ITPR1: variants seen among roughly 807,000 people sequenced by gnomAD.
ITPR1 encodes the protein inositol 1,4,5-trisphosphate-gated calcium channel ITPR1.
Under a neutral mutation model 318.4 loss-of-function variants are expected in ITPR1, and 96 were observed. The observed-to-expected ratio is 0.30, with a 90% CI of 0.26 to 0.36. The LOEUF (loss-of-function observed/expected upper bound fraction) is 0.36. Among genes scored for constraint, ITPR1 ranks in the 10% least tolerant of loss-of-function variants. The probability of loss-of-function intolerance (pLI) is 1.00; values close to 1 mark genes in which losing one functional copy is unlikely to be tolerated. For synonymous variants in ITPR1, 1,312 were observed against 1,289.9 expected, an observed-to-expected ratio of 1.02 and a Z score of -0.37; for missense variants, 2,440 against 3,460.2, an observed-to-expected ratio of 0.71 and a Z score of 7.40.
chr3:4,698,113 T>C (rs2094588257), intron 34 of ITPR1, among the ~76,000 whole-genome samples: 1 of 151,922 alleles, frequency 6.6e-6, no homozygotes, highest in African/African-American at 2.4e-5. Context: ...ATAACAAGCA[T>C]ACCACAGATT....
At chr3:4,577,945 A>G (rs973412275) in intron 4 of ITPR1, among the ~76,000 whole-genome samples, 1 of 152,230 alleles carries the variant, frequency 6.6e-6, no homozygotes, top group African/African-American at 2.4e-5. Flanking sequence ...ACATTACTGC[A>G]TAAGTTGGCA....
chr3:4,512,540 C>T (rs1305065057), intron 2 of ITPR1, among the ~76,000 whole-genome samples: 1 of 152,134 alleles, frequency 6.6e-6, no homozygotes. Flanking sequence ...GAAGTAAAAT[C>T]TGTCATCATG....
chr3:4,594,588 C>T (rs1003474292), intron 4 of ITPR1, among the ~76,000 whole-genome samples: 7 of 152,116 alleles, frequency 4.6e-5, no homozygotes, highest in East Asian at 1.9e-4. Context: ...AAGATGGCTA[C>T]GCTAGCTTCA....
intron 4 of ITPR1, among the ~76,000 whole-genome samples, chr3:4,572,442 T>C (rs1354925433): frequency 1.3e-5 from 2 of 152,100 alleles, no homozygotes; most frequent in African/African-American, 4.8e-5. Flanking sequence ...ATATATATTA[T>C]AAAAGAACGC....
At chr3:4,806,498 C>T (rs926419311) in intron 55 of ITPR1, among the ~76,000 whole-genome samples, 2 of 152,170 alleles carry the variant, frequency 1.3e-5, no homozygotes, top group Non-Finnish European at 1.5e-5. Context: ...TGGGCACTCC[C>T]GATCTGTTAC....
intron 44 of ITPR1, among the ~76,000 whole-genome samples, chr3:4,765,139 G>A (rs1203496590): frequency 6.6e-6 from 1 of 152,202 alleles, no homozygotes; most frequent in Admixed American, 6.5e-5. Flanking sequence ...TGGTTCCAGA[G>A]TGGGAGTCGT....
chr3:4,682,764 C>G (rs1035432350), intron 26 of ITPR1, among the ~76,000 whole-genome samples: 2 of 152,170 alleles, frequency 1.3e-5, no homozygotes, highest in African/African-American at 2.4e-5. Flanking sequence ...TTCTTATTAG[C>G]CAGCAACCAG....
intron 4 of ITPR1, among the ~76,000 whole-genome samples, chr3:4,559,178 A>G (rs938743343): frequency 2.4e-4 from 36 of 149,676 alleles, no homozygotes; most frequent in African/African-American, 8.4e-4. Context: ...TTTTTTTTTA[A>G]TAGTTAATAC....
At chr3:4,547,147 A>C (rs2085103153) in intron 4 of ITPR1, among the ~76,000 whole-genome samples, 1 of 152,238 alleles carries the variant, frequency 6.6e-6, no homozygotes, top group Non-Finnish European at 1.5e-5. Context: ...GGTTGTAGTT[A>C]CAGTCTCTTC....
At chr3:4,658,537 A>G (rs1383235885) in intron 13 of ITPR1, among the ~76,000 whole-genome samples, 2 of 151,090 alleles carry the variant, frequency 1.3e-5, no homozygotes, top group Non-Finnish European at 3.0e-5. Flanking sequence ...CAATTTTCCT[A>G]GTTCCCTCTA....
chr3:4,631,257 C>G (rs1319921430), intron 5 of ITPR1, among the ~76,000 whole-genome samples: 3 of 152,122 alleles, frequency 2.0e-5, no homozygotes, highest in African/African-American at 7.3e-5. Context: ...TTTCAGATGA[C>G]TGCAGTATGA....
chr3:4,527,280 C>T (rs550569887), intron 4 of ITPR1, among the ~76,000 whole-genome samples: 14 of 152,290 alleles, frequency 9.2e-5, no homozygotes, highest in African/African-American at 3.1e-4. Flanking sequence ...GGGTTCAAAC[C>T]ATCCTCCTTC....
At chr3:4,588,997 T>A (rs1388662436) in intron 4 of ITPR1, among the ~76,000 whole-genome samples, 1 of 152,142 alleles carries the variant, frequency 6.6e-6, no homozygotes, top group African/African-American at 2.4e-5. Flanking sequence ...AGACCATTGT[T>A]TCCCAGACTT....
intron 53 of ITPR1, among the ~76,000 whole-genome samples, chr3:4,797,685 A>G (rs368345256): frequency 6.6e-6 from 1 of 152,200 alleles, no homozygotes; most frequent in African/African-American, 2.4e-5. Context: ...TATTATTGAA[A>G]TTGTCAAATA....
At chr3:4,590,371 A>T (rs1207070234) in intron 4 of ITPR1, among the ~76,000 whole-genome samples, 1 of 151,572 alleles carries the variant, frequency 6.6e-6, no homozygotes, top group African/African-American at 2.4e-5. Flanking sequence ...GATGATGAAT[A>T]GTATTTATGA....
chr3:4,588,964 T>A lies in ITPR1; in HGVS notation c.164-38799T>A, dbSNP rs114950884. On this transcript the variant is annotated intron_variant, in intron 4 of 61. Transcript: ENST00000649015. ...ACCTAGTCTACAGCCCTCATTCTGC[T>A]CTAAACCGTCATTGTGCTACCCAGA... Among the ~76,000 whole-genome samples the A allele has an allele frequency of 2.4e-3, 362 of 152,306 alleles. 2 individuals carry two copies. The highest frequency in any genetic ancestry group is 3.8e-3 in the Non-Finnish European group (256 of 68,022).
intron 4 of ITPR1, among the ~76,000 whole-genome samples, chr3:4,603,512 C>G (rs1291846274): frequency 7.2e-5 from 11 of 152,144 alleles, no homozygotes; most frequent in African/African-American, 2.7e-4. Context: ...TCACTGCAAC[C>G]TCCACCTCCT....
At chr3:4,611,694 T>C (rs913149008) in intron 4 of ITPR1, among the ~76,000 whole-genome samples, 9 of 152,082 alleles carry the variant, frequency 5.9e-5, no homozygotes, top group African/African-American at 2.2e-4. Flanking sequence ...TGCAGTGAGC[T>C]GAGATCATGC....
At chr3:4,840,910 G>C (rs544537631) in intron 61 of ITPR1, among the ~76,000 whole-genome samples, 20 of 152,212 alleles carry the variant, frequency 1.3e-4, no homozygotes, top group African/African-American at 7.2e-5. Flanking sequence ...CTATAGGACA[G>C]CGACCATTAT....
Sources: gnomAD v4.1 joint callset for allele counts (sites outside exome capture counted in the v4.1 genomes callset) on GRCh38, gnomAD v4.1.1 for gene constraint, MANE v1.5 for transcripts, NCBI Gene and HGNC (gene_info 2026-07-23, HGNC 2026-07-21) for gene names.